DLGAP3: variants seen among roughly 807,000 people sequenced by gnomAD.
DLGAP3 encodes the protein DLG associated protein 3.
Under a neutral mutation model 81.2 loss-of-function variants are expected in DLGAP3, and 17 were observed. That is an observed-to-expected ratio of 0.21 (90% confidence interval 0.14 to 0.31). The LOEUF (loss-of-function observed/expected upper bound fraction) is 0.31, where lower values mean the gene tolerates loss of function less well. Among genes scored for constraint, DLGAP3 ranks in the 10% least tolerant of loss-of-function variants. The probability of loss-of-function intolerance (pLI) is 1.00; values close to 1 mark genes in which losing one functional copy is unlikely to be tolerated. For synonymous variants in DLGAP3, 577 were observed against 587.4 expected (o/e 0.98, Z 0.26); for missense variants, 1,124 against 1,388.0 (o/e 0.81, Z 3.02).
intron 5 of DLGAP3, among the ~76,000 whole-genome samples, chr1:34,897,756 C>T (rs1469787867): frequency 1.3e-5 from 2 of 152,178 alleles, no homozygotes; most frequent in Non-Finnish European, 2.9e-5. Flanking sequence ...ATCGTCCAGA[C>T]AAAAGGACAT....
Position 34,905,396 on chromosome 1 carries a change from G to T in DLGAP3, c.-13C>A, listed in dbSNP as rs747316225. 1.4e-5 allele frequency: 22 copies of T among 1,549,602 alleles called. No homozygotes were observed. The highest frequency in any genetic ancestry group is 1.7e-5 in the Non-Finnish European group (20 of 1,146,862). ...GGTAACCCCTCATGGCCTCAGCAAA[G>T]GCTCTTCATAGTCTTGGGGGCCAGG... On this transcript the variant is annotated 5_prime_UTR_variant, in exon 3 of 12. Coordinates refer to ENST00000373347, the MANE Select transcript of DLGAP3 (RefSeq NM_001080418.3).
rs538636897 is a variant in DLGAP3 at position 34,867,852 on chromosome 1, A to G, written c.2486-225T>C. 4.4e-4 allele frequency among the ~76,000 whole-genome samples: 67 copies of G among 152,156 alleles called. No individual in the cohort carries two copies. Among genetic ancestry groups the G allele is most frequent in the African/African-American group, 1.6e-3 (65 of 41,490 alleles). The stretch of plus-strand genomic sequence containing the variant: ...TGATGTTCCCTCCTTCATACAGCCT[A>G]CATTTCTTGAGTGCTCATCCTTCTT... On this transcript the variant is annotated intron_variant, in intron 9 of 11. Coordinates refer to ENST00000373347, the MANE Select transcript of DLGAP3 (RefSeq NM_001080418.3). This position sits in a 1 kb window ranked among gnomAD's most constrained non-coding sequence, Gnocchi z 4.3.
intron 1 of DLGAP3, among the ~76,000 whole-genome samples, chr1:34,926,914 A>G (rs1405754744): frequency 6.6e-6 from 1 of 152,182 alleles, no homozygotes; most frequent in Non-Finnish European, 1.5e-5. Context: ...GGCAAAATGC[A>G]CTGGAAACTG....
rs949966445 is a variant in DLGAP3 at position 34,886,943 on chromosome 1, C to CTTTTT, written c.1387-663_1387-659dup. Among the ~76,000 whole-genome samples, 249 of 64,322 alleles carry CTTTTT rather than the reference C, an allele frequency of 3.9e-3. 7 individuals are homozygous for CTTTTT. The highest frequency in any genetic ancestry group is 5.1e-3 in the Non-Finnish European group (170 of 33,478). 42.2% of individuals were successfully genotyped at this position (64,322 alleles called of 152,430 possible). On this transcript the variant is annotated intron_variant, in intron 5 of 11. Transcript: ENST00000373347. ...AGTGTCCCAAGCCTTCCCCCACCTT[C>CTTTTT]TTTTTTTTTTTTTTTTTTTTTTTTT... is the stretch of plus-strand genomic sequence containing the variant.
intron 1 of DLGAP3, among the ~76,000 whole-genome samples, chr1:34,925,683 TGAGA>T (rs1639862233): frequency 6.6e-6 from 1 of 151,810 alleles, no homozygotes; most frequent in Non-Finnish European, 1.5e-5. Flanking sequence ...GAGGAGAGGA[TGAGA>T]AAGAACAGAC....
At chr1:34,926,698 A>C (rs780089370) in intron 1 of DLGAP3, among the ~76,000 whole-genome samples, 1 of 152,152 alleles carries the variant, frequency 6.6e-6, no homozygotes, top group Non-Finnish European at 1.5e-5. Flanking sequence ...ACTAAAAAAC[A>C]ACCAAATACG....
intron 1 of DLGAP3, among the ~76,000 whole-genome samples, chr1:34,914,810 A>T (rs554793212): frequency 6.6e-6 from 1 of 152,324 alleles, no homozygotes. Context: ...GTAACTATCC[A>T]TACATGACTT....
At position 34,868,037 on chromosome 1, in the gene DLGAP3, A is replaced by T. The variant is rs1638913082; in HGVS notation, c.2486-410T>A. Among the ~76,000 whole-genome samples, 1 of 152,222 alleles carries T rather than the reference A, an allele frequency of 6.6e-6. No individual in the cohort carries two copies. The highest frequency in any genetic ancestry group is 1.5e-5 in the Non-Finnish European group (1 of 68,036). ...CTCCTTGGCTCTTTAAGAATGACCA[A>T]GTAATTTCATGTACATAACACATCT... On this transcript the variant is annotated intron_variant, in intron 9 of 11. Transcript: ENST00000373347. This position sits in a 1 kb window ranked among gnomAD's most constrained non-coding sequence, Gnocchi z 7.5.
At chr1:34,880,459 A>C (rs115207794) in intron 8 of DLGAP3, among the ~76,000 whole-genome samples, 7,731 of 152,266 alleles carry the variant, frequency 0.051, 232 homozygotes, top group Middle Eastern at 0.095. Flanking sequence ...AGCCAAGCAC[A>C]GTGGCTCACG....
intron 1 of DLGAP3, among the ~76,000 whole-genome samples, chr1:34,913,972 G>T (rs1484371563): frequency 6.6e-6 from 1 of 152,214 alleles, no homozygotes; most frequent in Non-Finnish European, 1.5e-5. Flanking sequence ...ATAGCTCAGG[G>T]AAGGTCGTGG....
At position 34,868,638 on chromosome 1, in the gene DLGAP3, G is replaced by C; in HGVS notation, c.2452C>G (p.Arg818Gly). 1 of 1,612,902 alleles carries C rather than the reference G, an allele frequency of 6.2e-7. No homozygotes were observed. Among genetic ancestry groups the C allele is most frequent in the Non-Finnish European group, 8.5e-7 (1 of 1,180,010 alleles). The stretch of plus-strand genomic sequence containing the variant: ...GGTAGCTCATAGTCCTCCGCCTCAC[G>C]CTCCATCTGCTGGCACCAGTGCTCC... ...KLEHWCQQME[R>G]EAEDYELPEE... Residue 818 changes from arginine to glycine, a missense_variant, in exon 9 of 12, where the codon CGT (arginine) becomes GGT (glycine). Arg to Gly is a moderately radical substitution (Grantham distance 125, BLOSUM62 -2). This residue lies in a region of DLGAP3 where 379 missense variants were observed against 455.7 expected (regional missense o/e 0.83). Coordinates refer to ENST00000373347, the MANE Select transcript of DLGAP3 (RefSeq NM_001080418.3). This position sits in a 1 kb window ranked among gnomAD's most constrained non-coding sequence, Gnocchi z 7.5.
rs1035145443 is a variant in DLGAP3, at chr1:34,869,389, C to T, written c.2001-300G>A. On this transcript the variant is annotated intron_variant, in intron 8 of 11. Coordinates refer to ENST00000373347, the MANE Select transcript of DLGAP3 (RefSeq NM_001080418.3). ...CACAGACCAAAATGCTGCAGCAGTGCCCTGGAGAGGCTAGATTGTGGGGTG... is the reference window on the plus strand; with the variant it reads ...CACAGACCAAAATGCTGCAGCAGTGTCCTGGAGAGGCTAGATTGTGGGGTG... 2.0e-5 allele frequency among the ~76,000 whole-genome samples: 3 copies of T among 151,954 alleles called. No individual in the cohort carries two copies. In the South Asian group the frequency reaches 6.2e-4, roughly 31 times the overall value.
intron 11 of DLGAP3, among the ~76,000 whole-genome samples, 174 bp from the exon 12 acceptor site, chr1:34,866,475 A>G (rs544171108): frequency 2.6e-5 from 4 of 152,186 alleles, no homozygotes; most frequent in African/African-American, 9.6e-5. Context: ...CTGTTCCGAC[A>G]AGGTCAAATC....
At chr1:34,906,157 G>T (rs1639554302) in intron 2 of DLGAP3, among the ~76,000 whole-genome samples, 1 of 148,052 alleles carries the variant, frequency 6.8e-6, no homozygotes, top group Admixed American at 6.7e-5. Flanking sequence ...TAAATATATA[G>T]ATATACTTTG....
intron 8 of DLGAP3, among the ~76,000 whole-genome samples, chr1:34,871,995 C>T (rs1387050323): frequency 2.0e-5 from 3 of 152,060 alleles, no homozygotes; most frequent in African/African-American, 7.2e-5. Context: ...AAGCAGGAGG[C>T]GCTTATCCCT....
At chr1:34,893,615 T>C (rs1334613960) in intron 5 of DLGAP3, among the ~76,000 whole-genome samples, 2 of 152,214 alleles carry the variant, frequency 1.3e-5, no homozygotes, top group South Asian at 2.1e-4. Context: ...AAAACATATA[T>C]AGGTAATATA....
At chr1:34,874,738 C>T (rs1026165539) in intron 8 of DLGAP3, among the ~76,000 whole-genome samples, 3 of 149,394 alleles carry the variant, frequency 2.0e-5, no homozygotes, top group Non-Finnish European at 4.4e-5. Context: ...TGGATTATCC[C>T]AAGAGACACA....
chr1:34,924,362 T>C (rs1429011894), intron 1 of DLGAP3, among the ~76,000 whole-genome samples: 1 of 152,068 alleles, frequency 6.6e-6, no homozygotes, highest in Non-Finnish European at 1.5e-5. Flanking sequence ...CTTGAATCCT[T>C]TGCTTAAAAA....
At chr1:34,876,273 G>C (rs912481190) in intron 8 of DLGAP3, among the ~76,000 whole-genome samples, 18 of 152,216 alleles carry the variant, frequency 1.2e-4, no homozygotes, top group African/African-American at 4.3e-4. Context: ...ACAATTCCCA[G>C]ACAGAAGGGA....
Sources: gnomAD v4.1 joint callset for allele counts (sites outside exome capture counted in the v4.1 genomes callset) on GRCh38, gnomAD v4.1.1 for gene constraint, gnomAD v4.1.1 regional missense constraint, Gnocchi (gnomAD v3.1) non-coding constraint, MANE v1.5 for transcripts, NCBI Gene and HGNC (gene_info 2026-07-23, HGNC 2026-07-21) for gene names.